The following PPARGC1A variants were observed in gnomAD, a reference collection of about 807,000 sequenced individuals.
The protein encoded by PPARGC1A is PPARG coactivator 1 alpha.
Under a neutral mutation model 88.7 loss-of-function variants are expected in PPARGC1A, and 25 were observed. That is an observed-to-expected ratio of 0.28 (90% CI 0.21 to 0.39). The LOEUF (loss-of-function observed/expected upper bound fraction) is 0.39. PPARGC1A is among the 10% of genes least tolerant of loss of function. The pLI, the probability that PPARGC1A is intolerant of heterozygous loss-of-function variation, is 1.00. For missense variants in PPARGC1A, 880 were observed against 968.7 expected (o/e 0.91, Z 1.22); for synonymous variants, 363 against 355.6 (o/e 1.02, Z -0.24).
chr4:23,886,868 A>AC lies in PPARGC1A; in HGVS notation c.55-1938_55-1937insG, dbSNP rs201699063. On this transcript the variant is annotated intron_variant, in intron 1 of 12. Coordinates refer to ENST00000264867, the MANE Select transcript of PPARGC1A (RefSeq NM_013261.5). ...GGGGCATAGTCTTTAAAAAAAAAAAAAAAAAACATGAACAACAAAAATAGC... is the reference window on the plus strand; with the variant it reads ...GGGGCATAGTCTTTAAAAAAAAAAAACAAAAAACATGAACAACAAAAATAGC... 6.5e-3 allele frequency among the ~76,000 whole-genome samples: 987 copies of AC among 151,566 alleles called. 37 individuals carry two copies. In the East Asian group the frequency reaches 0.1, roughly 16 times the overall value.
chr4:24,423,878 C>T, the PPARGC1A span, among the ~76,000 whole-genome samples: 5 of 152,346 alleles, frequency 3.3e-5, no homozygotes, highest in East Asian at 9.6e-4. Flanking sequence ...GTGACCTTGG[C>T]TCAACTAGAC....
At chr4:24,315,045 T>TA in the PPARGC1A span, among the ~76,000 whole-genome samples, 1 of 149,696 alleles carries the variant, frequency 6.7e-6, no homozygotes, top group Non-Finnish European at 1.5e-5. Context: ...AAAAGAAATC[T>TA]AAAGAGACTA....
the PPARGC1A span, among the ~76,000 whole-genome samples, chr4:24,183,688 A>T: frequency 1.3e-5 from 2 of 151,920 alleles, no homozygotes; most frequent in East Asian, 3.9e-4. Flanking sequence ...TCCCTTCCTC[A>T]CTCTGCTCTT....
the PPARGC1A span, among the ~76,000 whole-genome samples, chr4:24,007,653 G>T: frequency 6.6e-6 from 1 of 152,120 alleles, no homozygotes; most frequent in Non-Finnish European, 1.5e-5. Context: ...CCACATCCCT[G>T]GAGCCCAAAG....
the PPARGC1A span, among the ~76,000 whole-genome samples, chr4:24,045,082 T>C: frequency 6.6e-6 from 1 of 152,102 alleles, no homozygotes; most frequent in South Asian, 2.1e-4. Flanking sequence ...TACATCCTAA[T>C]TCTTACACAG....
the PPARGC1A span, among the ~76,000 whole-genome samples, chr4:24,313,102 A>G: frequency 3.9e-5 from 6 of 152,344 alleles, no homozygotes; most frequent in East Asian, 9.6e-4. Flanking sequence ...GAATGATAAC[A>G]CAACAAATAA....
At chr4:24,031,956 C>T in the PPARGC1A span, among the ~76,000 whole-genome samples, 1 of 152,154 alleles carries the variant, frequency 6.6e-6, no homozygotes, top group African/African-American at 2.4e-5. Flanking sequence ...GTCCTCAGAC[C>T]ACAATGCCCA....
the PPARGC1A span, among the ~76,000 whole-genome samples, chr4:24,221,425 T>G: frequency 6.6e-6 from 1 of 152,226 alleles, no homozygotes; most frequent in African/African-American, 2.4e-5. Flanking sequence ...GGTCACAGAA[T>G]GAGAGATGGC....
chr4:24,091,393 G>A, the PPARGC1A span: 5 of 936,320 alleles, frequency 5.3e-6, no homozygotes, highest in South Asian at 9.9e-5. Context: ...ATTGATGTAC[G>A]CATATTACCT....
chr4:23,925,160 A>T, the PPARGC1A span, among the ~76,000 whole-genome samples: 1 of 152,234 alleles, frequency 6.6e-6, no homozygotes, highest in Admixed American at 6.5e-5. Flanking sequence ...AATTTGAGTG[A>T]TCTTTTACTG....
chr4:23,942,116 T>A, the PPARGC1A span, among the ~76,000 whole-genome samples: 2 of 151,970 alleles, frequency 1.3e-5, no homozygotes, highest in African/African-American at 4.8e-5. Flanking sequence ...CTCTCATGGA[T>A]TTTTGTATTT....
chr4:24,153,366 AT>A, the PPARGC1A span, among the ~76,000 whole-genome samples: 11 of 152,328 alleles, frequency 7.2e-5, no homozygotes, highest in South Asian at 2.1e-4. Flanking sequence ...GAAAAAAAAA[AT>A]CAACCACCTC....
chr4:24,070,782 A>T, the PPARGC1A span, among the ~76,000 whole-genome samples: 1 of 152,220 alleles, frequency 6.6e-6, no homozygotes, highest in Admixed American at 6.5e-5. Context: ...ATATTTAAAA[A>T]GATAATATTC....
At chr4:24,016,800 C>T in the PPARGC1A span, among the ~76,000 whole-genome samples, 1 of 152,160 alleles carries the variant, frequency 6.6e-6, no homozygotes, top group Non-Finnish European at 1.5e-5. Flanking sequence ...GGACAAATTA[C>T]ACCAATAGAT....
At chr4:24,304,867 G>A in the PPARGC1A span, among the ~76,000 whole-genome samples, 3 of 151,992 alleles carry the variant, frequency 2.0e-5, no homozygotes, top group South Asian at 2.1e-4. Flanking sequence ...ATGGGTTATC[G>A]GCTTTTAAGA....
the PPARGC1A span, among the ~76,000 whole-genome samples, chr4:24,234,324 G>C: frequency 3.3e-5 from 5 of 152,220 alleles, no homozygotes; most frequent in Admixed American, 2.0e-4. Context: ...AAAGTCCTTA[G>C]AGGGTGGCTG....
the PPARGC1A span, among the ~76,000 whole-genome samples, chr4:23,951,765 C>T: frequency 6.6e-6 from 1 of 152,184 alleles, no homozygotes; most frequent in Non-Finnish European, 1.5e-5. Flanking sequence ...AATCTAGAAC[C>T]CATTCATGAA....
At chr4:23,840,637 T>C (rs992570635) in intron 2 of PPARGC1A, among the ~76,000 whole-genome samples, 5 of 152,144 alleles carry the variant, frequency 3.3e-5, no homozygotes, top group Non-Finnish European at 7.4e-5. Flanking sequence ...ATCTTCTTCA[T>C]GAACTATCTA....
chr4:24,031,519 G>A, the PPARGC1A span, among the ~76,000 whole-genome samples: 3 of 152,084 alleles, frequency 2.0e-5, no homozygotes, highest in Admixed American at 6.6e-5. Flanking sequence ...TCAATACATG[G>A]GCAATTGCAG....
Sources: gnomAD v4.1 joint callset for allele counts (sites outside exome capture counted in the v4.1 genomes callset) on GRCh38, gnomAD v4.1.1 for gene constraint, MANE v1.5 for transcripts, NCBI Gene and HGNC (gene_info 2026-07-23, HGNC 2026-07-21) for gene names.